The following CNNM2 variants were observed in gnomAD, a reference collection of about 807,000 sequenced individuals.
CNNM2 encodes the protein cyclin and CBS domain divalent metal cation transport mediator 2, also known as metal transporter CNNM2.
Under a neutral mutation model 66.9 loss-of-function variants are expected in CNNM2, and 12 were observed. The ratio of observed to expected loss-of-function variants is 0.18; its 90% CI spans 0.11 to 0.29. The LOEUF (loss-of-function observed/expected upper bound fraction) is 0.29, where lower values mean the gene tolerates loss of function less well. Ranked by LOEUF, CNNM2 falls within the 10% of genes least tolerant of loss-of-function variation. The probability of loss-of-function intolerance (pLI) is 1.00; values close to 1 mark genes in which losing one functional copy is unlikely to be tolerated. For missense variants in CNNM2, 705 were observed against 1,167.7 expected (o/e 0.60, Z 5.77); for synonymous variants, 557 against 501.8 (o/e 1.11, Z -1.47).
Position 103,077,078 on chromosome 10 carries a change from G to C in CNNM2, c.2526G>C (p.Leu842=), listed in dbSNP as rs747479663. 6.2e-7 allele frequency: 1 copy of C among 1,613,986 alleles called. No homozygotes were observed. Among genetic ancestry groups the C allele is most frequent in the Non-Finnish European group, 8.5e-7 (1 of 1,179,904 alleles). Residue 842 remains leucine (L), a synonymous_variant, in exon 8 of 8, where the codon CTG becomes CTC. Transcript: ENST00000369878. ...AAATCGAATTGACTCTTACGGAGCT[G>C]CATGACGGGTTGCCAGACGAGACAG... is the stretch of plus-strand genomic sequence containing the variant. The part of the protein sequence containing the change: ...NTKIELTLTE[L]HDGLPDETAN...
chr10:103,055,451 CAG>C (rs1439858871), intron 3 of CNNM2, among the ~76,000 whole-genome samples: 4 of 152,176 alleles, frequency 2.6e-5, no homozygotes, highest in African/African-American at 7.2e-5. Flanking sequence ...TGGGGAGAAA[CAG>C]AATCTAAAAC....
At chr10:103,024,720 G>C (rs953139403) in intron 1 of CNNM2, among the ~76,000 whole-genome samples, 1 of 151,866 alleles carries the variant, frequency 6.6e-6, no homozygotes, top group East Asian at 1.9e-4. Context: ...CCTCGTGATC[G>C]ACCCACTTCA....
chr10:103,011,006 C>T (rs2064332462), intron 1 of CNNM2, among the ~76,000 whole-genome samples: 1 of 152,148 alleles, frequency 6.6e-6, no homozygotes, highest in Non-Finnish European at 1.5e-5. Flanking sequence ...GAAAAAATTT[C>T]ATTTTGAAAA....
intron 1 of CNNM2, among the ~76,000 whole-genome samples, chr10:102,953,558 G>A (rs895799867): frequency 6.6e-6 from 1 of 151,824 alleles, no homozygotes; most frequent in Non-Finnish European, 1.5e-5. Context: ...CACTGTGCCC[G>A]GCCTATTTAT....
At chr10:103,075,976 C>A in intron 6 of CNNM2, 110 bp from the exon 7 acceptor site, 1 of 1,007,250 alleles carries the variant, frequency 9.9e-7, no homozygotes, top group Non-Finnish European at 1.5e-6. Flanking sequence ...CATCTGGAAT[C>A]AGTTGGCTGG....
chr10:102,941,422 A>G (rs898093306), intron 1 of CNNM2, among the ~76,000 whole-genome samples: 2 of 150,856 alleles, frequency 1.3e-5, no homozygotes, highest in African/African-American at 4.9e-5. Context: ...TTGTCTTTTA[A>G]CAAGTCAAAA....
chr10:102,975,735 T>A (rs1199188182), intron 1 of CNNM2, among the ~76,000 whole-genome samples: 2 of 152,134 alleles, frequency 1.3e-5, no homozygotes, highest in African/African-American at 4.8e-5. Flanking sequence ...TCCTTCCAAT[T>A]GTAAAATTCT....
rs186154581 is a variant in CNNM2, at chr10:102,940,505, G to A, written c.1621+20404G>A. Among the ~76,000 whole-genome samples, 982 of 118,772 alleles carry A rather than the reference G, an allele frequency of 8.3e-3. 10 individuals carry two copies. Among genetic ancestry groups the A allele is most frequent in the African/African-American group, 0.035 (904 of 25,948 alleles). The allele number at this position is 118,772 out of a possible 152,430, so 77.9% of individuals were successfully genotyped here. On this transcript the variant is annotated intron_variant, in intron 1 of 7. Coordinates refer to ENST00000369878, the MANE Select transcript of CNNM2 (RefSeq NM_017649.5). The stretch of plus-strand genomic sequence containing the variant: ...GCAATCTCGGCTCACTGCAAGCTCC[G>A]CCTCCCGGGTTCACACCATTCTCCT...
chr10:102,978,045 G>T (rs1305226259), intron 1 of CNNM2, among the ~76,000 whole-genome samples: 1 of 151,940 alleles, frequency 6.6e-6, no homozygotes, highest in Non-Finnish European at 1.5e-5. Flanking sequence ...AAGTAGCTGG[G>T]ATTACAGGCA....
chr10:102,962,385 A>G (rs2063395952), intron 1 of CNNM2, among the ~76,000 whole-genome samples: 5 of 152,214 alleles, frequency 3.3e-5, no homozygotes, highest in Non-Finnish European at 7.3e-5. Context: ...GGGTATGAGG[A>G]GGTGGGTGCT....
intron 1 of CNNM2, among the ~76,000 whole-genome samples, chr10:103,023,552 C>T (rs1014922285): frequency 6.6e-6 from 1 of 152,026 alleles, no homozygotes; most frequent in Non-Finnish European, 1.5e-5. Context: ...CTGTTCCCCC[C>T]TCCCCATCCC....
chr10:102,992,086 A>G (rs1426623962), intron 1 of CNNM2, among the ~76,000 whole-genome samples: 1 of 152,096 alleles, frequency 6.6e-6, no homozygotes, highest in Admixed American at 6.6e-5. Flanking sequence ...AGCAAACTAC[A>G]TATTTGTGGA....
intron 1 of CNNM2, among the ~76,000 whole-genome samples, chr10:103,000,788 A>G (rs921143872): frequency 7.2e-5 from 11 of 152,328 alleles, no homozygotes; most frequent in African/African-American, 2.6e-4. Flanking sequence ...CATGTTGGCC[A>G]GTCTGGTCTT....
chr10:103,045,872 T>A (rs2065120080), intron 1 of CNNM2, among the ~76,000 whole-genome samples: 1 of 152,234 alleles, frequency 6.6e-6, no homozygotes, highest in African/African-American at 2.4e-5. Flanking sequence ...CCCAAACTCC[T>A]GGCCTCAAGC....
rs1490465709 is a variant in CNNM2 at position 102,918,628 on chromosome 10, C to T, written c.148C>T (p.Pro50Ser). ...ILQAAAGRLL[P>S]LLLLSCCCGA... ...GCAGGCGGCTGCGGGGCGGCTGCTG[C>T]CGCTGCTCCTGCTGAGCTGCTGCTG... Residue 50 changes from proline to serine, a missense_variant, in exon 1 of 8, where the codon CCG (proline) becomes TCG (serine). Physicochemically the swap from Pro to Ser is moderately conservative, Grantham distance 74 (BLOSUM62 -1). Around this residue, in one of 9 missense-constraint regions of CNNM2, gnomAD observed 98 missense variants for 73.6 expected, o/e 1.33. Transcript: ENST00000369878. The surrounding 1 kb of genome is among the most constrained non-coding windows in gnomAD (Gnocchi z 4.1). 6.5e-7 allele frequency: 1 copy of T among 1,544,370 alleles called. No individual in the cohort carries two copies. The highest frequency in any genetic ancestry group is 8.7e-7 in the Non-Finnish European group (1 of 1,145,884).
At chr10:102,970,006 A>T (rs887350319) in intron 1 of CNNM2, among the ~76,000 whole-genome samples, 1 of 152,212 alleles carries the variant, frequency 6.6e-6, no homozygotes, top group Admixed American at 6.5e-5. Flanking sequence ...TCCAGACACT[A>T]TTTTATTAGA....
chr10:102,949,645 G>A (rs1478894157), intron 1 of CNNM2, among the ~76,000 whole-genome samples: 2 of 152,088 alleles, frequency 1.3e-5, no homozygotes, highest in Admixed American at 6.6e-5. Flanking sequence ...AAATACGCGC[G>A]TGGTGGCGCG....
In CNNM2 at chr10:102,983,213, TTG is replaced by T. The variant is rs1274449051; in HGVS notation, c.1621+63116_1621+63117del. 2.0e-5 allele frequency among the ~76,000 whole-genome samples: 3 copies of T among 151,640 alleles called. No individual in the cohort carries two copies. In the East Asian group the frequency reaches 5.8e-4, roughly 29 times the overall value. On this transcript the variant is annotated intron_variant, in intron 1 of 7. Coordinates refer to ENST00000369878, the MANE Select transcript of CNNM2 (RefSeq NM_017649.5). ...TATTTCTTATTAATGACAAGTTTTT[TTG>T]TGTTTTGCTTTTTTGATAATTAAGG...
intron 1 of CNNM2, among the ~76,000 whole-genome samples, chr10:102,931,097 G>A (rs959409639): frequency 6.6e-5 from 10 of 152,142 alleles, no homozygotes; most frequent in African/African-American, 1.9e-4. Context: ...GCATGTTATT[G>A]GGGTGAGTTC....
Sources: allele counts gnomAD v4.1 joint callset (sites outside exome capture counted in the v4.1 genomes callset), GRCh38; gene constraint gnomAD v4.1.1; regional missense constraint gnomAD v4.1.1; non-coding constraint Gnocchi (gnomAD v3.1); transcripts MANE v1.5; gene names NCBI Gene and HGNC (gene_info 2026-07-23, HGNC 2026-07-21).